Variants in ANXA8 observed in about 807,000 individuals in gnomAD.
The protein encoded by ANXA8 is annexin A8.
Under a neutral mutation model 26.8 loss-of-function variants are expected in ANXA8, and 9 were observed. The observed-to-expected ratio is 0.34, with a 90% CI of 0.20 to 0.59. The LOEUF is 0.59. Among genes scored for constraint, ANXA8 ranks in the 20% least tolerant of loss-of-function variants. ANXA8 has a pLI of 0.84. For missense variants in ANXA8, 83 were observed against 238.5 expected (o/e 0.35, Z 4.29); for synonymous variants, 39 against 94.8 (o/e 0.41, Z 3.42).
At chr10:47,561,300 G>T in the ANXA8 span, among the ~76,000 whole-genome samples, 1 of 151,396 alleles carries the variant, frequency 6.6e-6, no homozygotes, top group African/African-American at 2.4e-5. Context: ...TAGAAATGAG[G>T]TCTCACTATG....
the ANXA8 span, among the ~76,000 whole-genome samples, chr10:47,942,758 G>A: frequency 6.9e-6 from 1 of 144,042 alleles, no homozygotes; most frequent in Non-Finnish European, 1.5e-5. Context: ...TTTGCAGGAG[G>A]CCTGTTCACT....
chr10:47,699,650 A>G, the ANXA8 span, among the ~76,000 whole-genome samples: 12 of 151,508 alleles, frequency 7.9e-5, no homozygotes, highest in Admixed American at 4.6e-4. Context: ...TACAAAAAAG[A>G]AAAAGGAAAA....
chr10:47,513,322 C>T, the ANXA8 span, among the ~76,000 whole-genome samples: 7 of 142,290 alleles, frequency 4.9e-5, no homozygotes, highest in Non-Finnish European at 6.1e-5. Context: ...TGTGAGCCAC[C>T]GTGCCTGGCC....
At chr10:47,617,937 T>A in the ANXA8 span, among the ~76,000 whole-genome samples, 1 of 129,154 alleles carries the variant, frequency 7.7e-6, no homozygotes, top group Non-Finnish European at 1.7e-5. Context: ...GATCTATTTT[T>A]AAAGCCTTGG....
chr10:47,630,958 A>T, the ANXA8 span, among the ~76,000 whole-genome samples: 93 of 150,074 alleles, frequency 6.2e-4, 3 homozygotes, highest in African/African-American at 2.1e-3. Context: ...TTATAACAAA[A>T]TTATATATGT....
chr10:47,654,351 G>A, the ANXA8 span, among the ~76,000 whole-genome samples: 2,171 of 143,924 alleles, frequency 0.015, 63 homozygotes, highest in African/African-American at 0.058. Context: ...TAAAAATTTC[G>A]TCAACATCAA....
the ANXA8 span, among the ~76,000 whole-genome samples, chr10:47,778,993 A>C: frequency 1.3e-5 from 2 of 151,426 alleles, no homozygotes; most frequent in African/African-American, 4.9e-5. Flanking sequence ...AACATGAAAC[A>C]GAATTTCATA....
chr10:47,973,719 G>T, the ANXA8 span, among the ~76,000 whole-genome samples: 1 of 150,896 alleles, frequency 6.6e-6, no homozygotes, highest in African/African-American at 2.4e-5. Flanking sequence ...TGCCACTCAG[G>T]GTGAGGCTAC....
chr10:47,756,688 C>A, the ANXA8 span, among the ~76,000 whole-genome samples: 1 of 152,310 alleles, frequency 6.6e-6, no homozygotes, highest in South Asian at 2.1e-4. Flanking sequence ...ACCACCACCA[C>A]CTCACTGGGA....
chr10:47,595,467 G>A, the ANXA8 span, among the ~76,000 whole-genome samples: 2 of 148,844 alleles, frequency 1.3e-5, no homozygotes, highest in South Asian at 2.1e-4. Flanking sequence ...ATACAGTGGC[G>A]AATTGGAATA....
chr10:47,637,490 T>G, the ANXA8 span, among the ~76,000 whole-genome samples: 2 of 148,372 alleles, frequency 1.3e-5, no homozygotes, highest in South Asian at 2.1e-4. Flanking sequence ...AAAATCTGTC[T>G]GTGGAAAACA....
chr10:47,654,307 G>C, the ANXA8 span, among the ~76,000 whole-genome samples: 1 of 143,844 alleles, frequency 7.0e-6, no homozygotes, highest in South Asian at 2.1e-4. Flanking sequence ...GACAGTTTGA[G>C]GAGGATGAAA....
chr10:47,605,914 G>T, the ANXA8 span, among the ~76,000 whole-genome samples: 2 of 123,938 alleles, frequency 1.6e-5, no homozygotes, highest in South Asian at 2.5e-4. Context: ...GAACAAAAAT[G>T]ACTTACTAGT....
the ANXA8 span, among the ~76,000 whole-genome samples, chr10:47,733,233 CTCTTTCTTTCTTTCTTTCTTTCTTTCTT>C: frequency 1.5e-4 from 9 of 59,718 alleles, no homozygotes; most frequent in African/African-American, 4.4e-4. Flanking sequence ...CTTTCTTTCT[CTCTTTCTTTCTTTCTTTCTTTCTTTCTT>C]TCTTTCTTTC....
chr10:47,625,848 T>G, the ANXA8 span, among the ~76,000 whole-genome samples: 2 of 150,860 alleles, frequency 1.3e-5, no homozygotes, highest in Non-Finnish European at 2.9e-5. Context: ...ACTGGAATTG[T>G]GTGTCTTTTG....
At chr10:47,777,460 G>A in the ANXA8 span, among the ~76,000 whole-genome samples, 2 of 152,184 alleles carry the variant, frequency 1.3e-5, no homozygotes, top group African/African-American at 2.4e-5. Context: ...GCTTCTGGAT[G>A]CAGTTCTTTA....
chr10:47,681,755 C>T, the ANXA8 span, among the ~76,000 whole-genome samples: 7 of 123,918 alleles, frequency 5.6e-5, no homozygotes, highest in African/African-American at 1.6e-4. Flanking sequence ...AGACTGGTCT[C>T]GAACTACTGA....
chr10:47,581,301 C>T, the ANXA8 span: 18 of 501,866 alleles, frequency 3.6e-5, no homozygotes, highest in Non-Finnish European at 5.5e-5. Context: ...AACTGTTTCC[C>T]GTTCCTGTGC....
At chr10:47,469,727 GGTGA>G (rs1236838489) in intron 11 of ANXA8, among the ~76,000 whole-genome samples, 2 of 151,258 alleles carry the variant, frequency 1.3e-5, no homozygotes, top group African/African-American at 2.4e-5. Flanking sequence ...ACAACGGCAT[GGTGA>G]GTAAGGGGTA....
Sources: gnomAD v4.1 joint callset for allele counts (sites outside exome capture counted in the v4.1 genomes callset) on GRCh38, gnomAD v4.1.1 for gene constraint, MANE v1.5 for transcripts, NCBI Gene and HGNC (gene_info 2026-07-23, HGNC 2026-07-21) for gene names.